Variants in SAP18 observed in about 807,000 individuals in gnomAD.
SAP18 encodes Sin3A associated protein 18.
Under a neutral mutation model 18.6 loss-of-function variants are expected in SAP18, and 4 were observed. The ratio of observed to expected loss-of-function variants is 0.21; its 90% CI spans 0.11 to 0.49. The LOEUF (loss-of-function observed/expected upper bound fraction) is 0.49. Among genes scored for constraint, SAP18 ranks in the 20% least tolerant of loss-of-function variants. The pLI is 0.98. For synonymous variants in SAP18, 112 were observed against 82.8 expected (o/e 1.35, Z -1.92); for missense variants, 170 against 226.4 (o/e 0.75, Z 1.60).
exon 4 of SAP18, chr13:21,148,710 A>G (rs188197221): frequency 1.4e-4 from 22 of 151,916 alleles, no homozygotes; most frequent in Admixed American, 1.3e-3. Context: ...CCATAAAGTT[A>G]ATTTGCACCT....
exon 2 of SAP18, chr13:21,140,924 C>T (rs747327856): frequency 4.3e-6 from 7 of 1,613,808 alleles, no homozygotes; most frequent in South Asian, 2.2e-5. Flanking sequence ...CCACCAATAA[C>T]GGCCGCCACC....
intron 2 of SAP18, 44 bp downstream of exon 2, chr13:21,141,039 G>A: frequency 8.1e-7 from 1 of 1,232,128 alleles, no homozygotes; most frequent in Non-Finnish European, 1.2e-6. Context: ...CCGGGAACCT[G>A]GAACAACAGT....
intron 2 of SAP18, among the ~76,000 whole-genome samples, chr13:21,145,479 C>T (rs948234630): frequency 7.9e-5 from 12 of 151,998 alleles, no homozygotes; most frequent in African/African-American, 1.2e-4. Context: ...AAAAAGGTCA[C>T]CTCTGAGACA....
At chr13:21,146,721 G>A (rs1869664179) in intron 2 of SAP18, 84 bp from the exon 3 acceptor site, 1 of 1,077,336 alleles carries the variant, frequency 9.3e-7, no homozygotes, top group Admixed American at 2.8e-5. Flanking sequence ...TCAGATATAT[G>A]TAATTAACTC....
At chr13:21,146,456 T>TA (rs1344555295) in intron 2 of SAP18, 1 of 167,768 alleles carries the variant, frequency 6.0e-6, no homozygotes, top group Non-Finnish European at 1.3e-5. Context: ...ACTAATGGGA[T>TA]ACATCTATTT....
exon 2 of SAP18, chr13:21,140,966 A>G (rs1364030911): frequency 1.3e-6 from 2 of 1,547,720 alleles, no homozygotes; most frequent in Non-Finnish European, 1.7e-6. Context: ...GGGGAAATGT[A>G]CCGTCCAGCG....
Position 21,148,523 on chromosome 13 carries a change from C to T in SAP18, c.*1181C>T, listed in dbSNP as rs1216943904. 4 of 152,114 alleles carry T rather than the reference C, an allele frequency of 2.6e-5. No individual in the cohort carries two copies. The East Asian group carries it at 7.7e-4, about 29-fold the overall frequency. The allele number at this position is 152,114 out of a possible 1,614,324, so 9.4% of individuals were successfully genotyped here. ...AAGTACCAGCAGCAATAAAATTGCACTAGTTTTATCTGGTACATACAAAAA... is the reference window on the plus strand; with the variant it reads ...AAGTACCAGCAGCAATAAAATTGCATTAGTTTTATCTGGTACATACAAAAA... On this transcript the variant is annotated 3_prime_UTR_variant, in exon 4 of 4. Transcript: ENST00000621421.
intron 2 of SAP18, among the ~76,000 whole-genome samples, chr13:21,142,731 G>GT (rs1443672743): frequency 6.6e-6 from 1 of 152,022 alleles, no homozygotes; most frequent in Non-Finnish European, 1.5e-5. Flanking sequence ...CAGAAACCCT[G>GT]TACCCCATCC....
exon 4 of SAP18, chr13:21,147,298 C>G: frequency 6.2e-7 from 1 of 1,614,070 alleles, no homozygotes. Context: ...AATTACCCCT[C>G]CAAATCGGGC....
exon 1 of SAP18, chr13:21,140,674 G>T (rs1490307670): frequency 6.2e-7 from 1 of 1,611,536 alleles, no homozygotes; most frequent in Non-Finnish European, 8.5e-7. Flanking sequence ...CCGATCGACC[G>T]CGAGAAGGTG....
chr13:21,144,231 C>T (rs1869562631), intron 2 of SAP18, among the ~76,000 whole-genome samples: 1 of 151,830 alleles, frequency 6.6e-6, no homozygotes, highest in Non-Finnish European at 1.5e-5. Context: ...ATGGTGAAAC[C>T]CCGTCTCTGC....
At chr13:21,141,553 C>T (rs563643230) in intron 2 of SAP18, 2 of 160,380 alleles carry the variant, frequency 1.2e-5, no homozygotes, top group African/African-American at 4.8e-5. Context: ...GGGTGTACCT[C>T]CCTACAAACT....
chr13:21,141,037 C>T (rs1206633456), intron 2 of SAP18, 42 bp downstream of exon 2: 2 of 1,266,654 alleles, frequency 1.6e-6, no homozygotes, highest in African/African-American at 1.5e-5. Flanking sequence ...GGCCGGGAAC[C>T]TGGAACAACA....
intron 2 of SAP18, among the ~76,000 whole-genome samples, chr13:21,145,382 A>G (rs1385431952): frequency 4.6e-5 from 7 of 152,234 alleles, no homozygotes; most frequent in African/African-American, 7.2e-5. Flanking sequence ...GAAAAAACCT[A>G]AAACGCTTCT....
At chr13:21,142,653 G>T (rs1167819052) in intron 2 of SAP18, among the ~76,000 whole-genome samples, 1 of 152,042 alleles carries the variant, frequency 6.6e-6, no homozygotes. Context: ...TGTACAATTT[G>T]GTGGCATTAA....
Position 21,140,815 on chromosome 13 carries a change from G to A in SAP18, c.130-71G>A, listed in dbSNP as rs557341838. The A allele has an allele frequency of 1.4e-5, 22 of 1,571,722 alleles. No homozygotes were observed. The South Asian group carries it at 1.6e-4, about 11-fold the overall frequency. On this transcript the variant is annotated intron_variant, in intron 1 of 3. Transcript: ENST00000621421. ...AGGCTCGGAGGCCGCAACGCCTCGG[G>A]AAGAGAGATGAGCTCCGGGTTCGCA...
At chr13:21,140,301 G>T (rs933475727), upstream of SAP18, among the ~76,000 whole-genome samples, 3 of 152,178 alleles carry the variant, frequency 2.0e-5, no homozygotes, top group African/African-American at 7.2e-5. Context: ...GCATGAAAAC[G>T]CCACCTTAAG....
Sources: allele counts gnomAD v4.1 joint callset (sites outside exome capture counted in the v4.1 genomes callset), GRCh38; gene constraint gnomAD v4.1.1; transcripts MANE v1.5; gene names NCBI Gene and HGNC (gene_info 2026-07-23, HGNC 2026-07-21).